Variants in NEGR1 observed in about 807,000 individuals in gnomAD.
NEGR1 encodes IgLON family member 4.
In NEGR1, 10 loss-of-function variants were observed where a neutral mutation model predicts 40.9. That is an observed-to-expected ratio of 0.24 (90% confidence interval 0.15 to 0.42). The LOEUF (loss-of-function observed/expected upper bound fraction) is 0.42. NEGR1 is among the 10% of genes least tolerant of loss of function. The pLI is 1.00. For synonymous variants in NEGR1, 185 were observed against 166.8 expected (o/e 1.11, Z -0.84); for missense variants, 352 against 438.9 (o/e 0.80, Z 1.77).
Position 72,099,755 on chromosome 1 carries a change from A to G in NEGR1, c.177-164444T>C, listed in dbSNP as rs535478245. ...AATTGTTTTTTAAATAATAAAATAG[A>G]TTTTATTTTAAACATGTTCTACATA... On this transcript the variant is annotated intron_variant, in intron 1 of 6. Transcript: ENST00000357731. 1.5e-3 allele frequency among the ~76,000 whole-genome samples: 235 copies of G among 152,070 alleles called. 3 individuals are homozygous for G. Among genetic ancestry groups the G allele is most frequent in the Non-Finnish European group, 8.2e-4 (56 of 67,920 alleles).
chr1:71,775,487 A>G (rs979465230), intron 3 of NEGR1, among the ~76,000 whole-genome samples: 2 of 151,612 alleles, frequency 1.3e-5, no homozygotes, highest in African/African-American at 2.4e-5. Flanking sequence ...TTGGGATTAC[A>G]GGCATGCACC....
chr1:72,183,897 C>T (rs1387966060), intron 1 of NEGR1, among the ~76,000 whole-genome samples: 1 of 151,860 alleles, frequency 6.6e-6, no homozygotes, highest in Admixed American at 6.6e-5. Flanking sequence ...ATGGAAAATA[C>T]TGATGGGAAA....
chr1:71,887,272 C>T (rs2101849515), intron 2 of NEGR1, among the ~76,000 whole-genome samples: 1 of 152,200 alleles, frequency 6.6e-6, no homozygotes, highest in Middle Eastern at 3.4e-3. Context: ...GTCTTGCTGT[C>T]TTAGCGGTGG....
intron 2 of NEGR1, among the ~76,000 whole-genome samples, chr1:71,917,877 C>A (rs1477451313): frequency 2.0e-5 from 3 of 151,414 alleles, no homozygotes; most frequent in African/African-American, 7.3e-5. Flanking sequence ...GTTAGGTTGC[C>A]TTTAAGAACG....
intron 6 of NEGR1, among the ~76,000 whole-genome samples, chr1:71,536,889 C>T (rs912114886): frequency 6.6e-6 from 1 of 151,668 alleles, no homozygotes; most frequent in African/African-American, 2.4e-5. Context: ...TATAGTCAAG[C>T]TCTTTTGTTA....
At chr1:71,476,258 AG>A (rs988418061) in intron 6 of NEGR1, among the ~76,000 whole-genome samples, 2 of 152,168 alleles carry the variant, frequency 1.3e-5, no homozygotes, top group African/African-American at 2.4e-5. Flanking sequence ...AAGCTTTAAA[AG>A]ATTGTAGAAT....
In NEGR1 at chr1:71,666,771, C is replaced by T. The variant is rs578174466; in HGVS notation, c.667+31237G>A. Reference sequence around the variant, plus strand: ...AAGTTCTGCAGACAGGGCTGAGTAACTCCTGGATTTCATCATACTTTAAAG... The same window carrying T: ...AAGTTCTGCAGACAGGGCTGAGTAATTCCTGGATTTCATCATACTTTAAAG... On this transcript the variant is annotated intron_variant, in intron 4 of 6. Transcript: ENST00000357731. 1.3e-3 allele frequency among the ~76,000 whole-genome samples: 204 copies of T among 152,218 alleles called. 1 individual carries two copies. Among genetic ancestry groups the T allele is most frequent in the African/African-American group, 4.7e-3 (195 of 41,544 alleles).
chr1:71,479,542 T>C (rs1646841286), intron 6 of NEGR1, among the ~76,000 whole-genome samples: 1 of 152,022 alleles, frequency 6.6e-6, no homozygotes, highest in Admixed American at 6.6e-5. Context: ...CTAGGTGTTA[T>C]TTATTCATTT....
At chr1:71,545,196 G>T (rs527986802) in intron 6 of NEGR1, among the ~76,000 whole-genome samples, 1 of 151,624 alleles carries the variant, frequency 6.6e-6, no homozygotes, top group Non-Finnish European at 1.5e-5. Context: ...AAGGTCCCAT[G>T]CTGGACCTAG....
intron 2 of NEGR1, among the ~76,000 whole-genome samples, chr1:71,915,362 T>C (rs1661545815): frequency 6.6e-6 from 1 of 152,134 alleles, no homozygotes; most frequent in Non-Finnish European, 1.5e-5. Flanking sequence ...ATAACAAAGT[T>C]GTTTGACACA....
intron 6 of NEGR1, chr1:71,461,677 T>C (rs1646715564): frequency 6.6e-6 from 1 of 152,166 alleles, no homozygotes; most frequent in South Asian, 2.1e-4. Flanking sequence ...CAAATATCCA[T>C]ACGATGGCCC....
chr1:71,636,973 G>A (rs1010013837), intron 4 of NEGR1, among the ~76,000 whole-genome samples: 3 of 151,928 alleles, frequency 2.0e-5, no homozygotes, highest in East Asian at 1.9e-4. Context: ...ATTTATGTAC[G>A]GAATAGGAAT....
intron 1 of NEGR1, among the ~76,000 whole-genome samples, chr1:72,131,879 C>T (rs1335429936): frequency 6.6e-6 from 1 of 152,044 alleles, no homozygotes; most frequent in East Asian, 1.9e-4. Context: ...GGAGGATCAC[C>T]TGAGGCCATG....
chr1:72,074,512 C>T (rs1214287963), intron 1 of NEGR1, among the ~76,000 whole-genome samples: 2 of 152,040 alleles, frequency 1.3e-5, no homozygotes, highest in Admixed American at 6.6e-5. Context: ...TTTTCCCTCT[C>T]GGTCATGGCA....
chr1:71,719,426 A>G (rs958527998), intron 3 of NEGR1, among the ~76,000 whole-genome samples: 2 of 152,138 alleles, frequency 1.3e-5, no homozygotes, highest in South Asian at 2.1e-4. Flanking sequence ...TCATTAATGC[A>G]TCTGCTTTTT....
intron 1 of NEGR1, among the ~76,000 whole-genome samples, chr1:72,088,114 T>C (rs1291198461): frequency 6.6e-6 from 1 of 152,212 alleles, no homozygotes; most frequent in Non-Finnish European, 1.5e-5. Flanking sequence ...TAGTGTAACC[T>C]GGGTCTTTCT....
chr1:71,693,869 C>T (rs1157857552), intron 4 of NEGR1, among the ~76,000 whole-genome samples: 3 of 151,684 alleles, frequency 2.0e-5, no homozygotes, highest in Admixed American at 6.6e-5. Flanking sequence ...CCACTCCTTG[C>T]TGATTTCTTA....
chr1:71,617,327 C>T (rs767786130), intron 4 of NEGR1, among the ~76,000 whole-genome samples: 2 of 152,176 alleles, frequency 1.3e-5, no homozygotes, highest in Non-Finnish European at 1.5e-5. Flanking sequence ...TATTAAGGCA[C>T]GATTGTTAGA....
chr1:71,638,981 A>T (rs1384318041), intron 4 of NEGR1, among the ~76,000 whole-genome samples: 2 of 149,236 alleles, frequency 1.3e-5, no homozygotes. Context: ...AAGGAGGAAG[A>T]ATAAAATAAA....
Sources: gnomAD v4.1 joint callset for allele counts (sites outside exome capture counted in the v4.1 genomes callset) on GRCh38, gnomAD v4.1.1 for gene constraint, MANE v1.5 for transcripts, NCBI Gene and HGNC (gene_info 2026-07-23, HGNC 2026-07-21) for gene names.